The following TM9SF4 variants were observed in gnomAD, a reference collection of about 807,000 sequenced individuals.
TM9SF4 encodes transmembrane 9 superfamily member 4, also known as dinucleotide oxidase disulfide thiol exchanger 3 superfamily member 4.
Under a neutral mutation model 90.4 loss-of-function variants are expected in TM9SF4, and 26 were observed. That is an observed-to-expected ratio of 0.29 (90% CI 0.21 to 0.40). The LOEUF (loss-of-function observed/expected upper bound fraction) is 0.40. TM9SF4 is among the 10% of genes least tolerant of loss of function. The pLI is 1.00. For missense variants in TM9SF4, 549 were observed against 834.8 expected, an observed-to-expected ratio of 0.66 and a Z score of 4.22; for synonymous variants, 293 against 315.4, an observed-to-expected ratio of 0.93 and a Z score of 0.75.
At chr20:32,155,080 C>T (rs180945223) in intron 12 of TM9SF4, 23 bp from the exon 13 acceptor site, 528 of 1,611,456 alleles carry the variant, frequency 3.3e-4, no homozygotes, top group Non-Finnish European at 4.4e-4. Flanking sequence ...TGCTGCTCCT[C>T]AACCCGGCCC....
chr20:32,124,731 C>T (rs932376866), intron 1 of TM9SF4, among the ~76,000 whole-genome samples: 4 of 152,040 alleles, frequency 2.6e-5, no homozygotes, highest in South Asian at 2.1e-4. Flanking sequence ...GGATTACAGG[C>T]GTGTGCCACC....
chr20:32,133,547 C>T (rs2235902), intron 2 of TM9SF4, among the ~76,000 whole-genome samples: 64,247 of 151,934 alleles, frequency 0.42, 13,937 homozygotes, highest in East Asian at 0.74. Context: ...ATTGTTCATA[C>T]ATTGTGAACG....
intron 15 of TM9SF4, 103 bp from the exon 16 acceptor site, chr20:32,159,889 T>C: frequency 6.6e-7 from 1 of 1,512,130 alleles, no homozygotes; most frequent in Non-Finnish European, 9.1e-7. Flanking sequence ...GCCCTGATGG[T>C]GTCATGATGA....
chr20:32,162,795 C>G (rs988862332), intron 17 of TM9SF4, among the ~76,000 whole-genome samples: 3 of 152,076 alleles, frequency 2.0e-5, no homozygotes, highest in Admixed American at 6.6e-5. Context: ...TCTCCCTCCT[C>G]TATAGCCCAT....
chr20:32,110,187 C>G, intron 1 of TM9SF4: 1 of 481,552 alleles, frequency 2.1e-6, no homozygotes, highest in Non-Finnish European at 2.9e-6. Flanking sequence ...GATGTGACCT[C>G]TCCTCTGACC....
intron 1 of TM9SF4, among the ~76,000 whole-genome samples, chr20:32,125,543 A>G (rs2046406317): frequency 6.6e-6 from 1 of 152,086 alleles, no homozygotes; most frequent in Non-Finnish European, 1.5e-5. Flanking sequence ...CCCCAGACCC[A>G]GGTGTTTTAG....
rs1425691295 is a variant in TM9SF4, at chr20:32,157,858, A to G, written c.1394A>G (p.Tyr465Cys). 25 of 1,613,896 alleles carry G rather than the reference A, an allele frequency of 1.5e-5. No individual in the cohort carries two copies. The East Asian group carries it at 1.6e-4, about 10-fold the overall frequency. Residue 465 changes from tyrosine to cysteine, a missense_variant, in exon 14 of 18, where the codon TAC becomes TGC. By Grantham distance (194) the Tyr-to-Cys change is radical (BLOSUM62 -2). Coordinates refer to ENST00000398022, the MANE Select transcript of TM9SF4 (RefSeq NM_014742.4). Reference protein sequence around the residue: ...MWFGISLPLVYLGYYFGFRKQ... With the variant: ...MWFGISLPLVCLGYYFGFRKQ... ...TTCGGGATCTCCCTGCCCCTCGTCT[A>G]CTTGGGCTACTACTTCGGCTTCCGA...
At chr20:32,159,639 CAT>C (rs1478929529) in intron 15 of TM9SF4, 4 of 228,874 alleles carry the variant, frequency 1.7e-5, no homozygotes, top group Non-Finnish European at 3.4e-5. Context: ...TAGACACACA[CAT>C]GTAGCAATTG....
At chr20:32,118,126 A>T (rs1440818646) in intron 1 of TM9SF4, among the ~76,000 whole-genome samples, 5 of 152,198 alleles carry the variant, frequency 3.3e-5, no homozygotes, top group Admixed American at 2.6e-4. Flanking sequence ...AAGTTGGAAC[A>T]GTGTCCAGGG....
At chr20:32,154,185 T>C (rs569555651) in intron 12 of TM9SF4, among the ~76,000 whole-genome samples, 1 of 152,264 alleles carries the variant, frequency 6.6e-6, no homozygotes, top group South Asian at 2.1e-4. Context: ...AGTCTTGCTC[T>C]ATTACCCAGG....
At chr20:32,143,489 C>T (rs2046711706) in intron 6 of TM9SF4, among the ~76,000 whole-genome samples, 2 of 152,194 alleles carry the variant, frequency 1.3e-5, no homozygotes, top group Non-Finnish European at 2.9e-5. Flanking sequence ...GGCCAGGGTA[C>T]AGACAAAGCC....
At chr20:32,141,428 C>T (rs574286183) in intron 3 of TM9SF4, 69 bp from the exon 4 acceptor site, 2 of 1,579,566 alleles carry the variant, frequency 1.3e-6, no homozygotes, top group East Asian at 2.2e-5. Context: ...TCCTGTGTCT[C>T]TGTGACTCTG....
intron 9 of TM9SF4, 93 bp downstream of exon 9, chr20:32,146,948 A>C (rs993449506): frequency 2.5e-5 from 30 of 1,221,318 alleles, no homozygotes; most frequent in Non-Finnish European, 3.5e-5. Context: ...TCATTCAAAG[A>C]GGAAACCTCA....
At chr20:32,134,521 G>A (rs1489720601) in intron 2 of TM9SF4, among the ~76,000 whole-genome samples, 2 of 152,098 alleles carry the variant, frequency 1.3e-5, no homozygotes, top group Non-Finnish European at 2.9e-5. Flanking sequence ...TGAACATGAA[G>A]CTGTTTATTG....
chr20:32,146,843 G>A lies in TM9SF4; in HGVS notation c.942G>A (p.Lys314=). Residue 314 remains lysine, a synonymous_variant, in exon 9 of 18, where the codon AAG becomes AAA. Coordinates refer to ENST00000398022, the MANE Select transcript of TM9SF4 (RefSeq NM_014742.4). ...GGAAGGACATTGCCAACTACAACAA[G>A]GAGGATGACATTGTACGAGGTCTTG... ...TLRKDIANYN[K]EDDIEDTMEE... 1 of 1,613,992 alleles carries A rather than the reference G, an allele frequency of 6.2e-7. No homozygotes were observed. Among genetic ancestry groups the A allele is most frequent in the African/African-American group, 1.3e-5 (1 of 75,058 alleles).
At chr20:32,141,704 CAG>C (rs767712299) in intron 4 of TM9SF4, 39 bp downstream of exon 4, 4 of 1,613,238 alleles carry the variant, frequency 2.5e-6, no homozygotes, top group Admixed American at 3.3e-5. Context: ...CAGGCTCACA[CAG>C]GGGAGGACAC....
rs748923451 is a variant in TM9SF4 at position 32,139,991 on chromosome 20, A to G, written c.230-1506A>G. Among the ~76,000 whole-genome samples, 5 of 152,260 alleles carry G rather than the reference A, an allele frequency of 3.3e-5. No individual in the cohort carries two copies. In the East Asian group the frequency reaches 9.6e-4, roughly 29 times the overall value. On this transcript the variant is annotated intron_variant, in intron 3 of 17. Coordinates refer to ENST00000398022, the MANE Select transcript of TM9SF4 (RefSeq NM_014742.4). The stretch of plus-strand genomic sequence containing the variant: ...ATTCTCATTTTGCTGATTATTCAGC[A>G]AAGTCTATCTTCCTGCTAGGCCATG...
intron 1 of TM9SF4, among the ~76,000 whole-genome samples, chr20:32,124,070 T>C (rs2046383391): frequency 6.6e-6 from 1 of 151,912 alleles, no homozygotes; most frequent in African/African-American, 2.4e-5. Context: ...CACTATTTTG[T>C]CCAGGCTGTT....
At chr20:32,120,813 T>C (rs954110759) in intron 1 of TM9SF4, among the ~76,000 whole-genome samples, 1 of 152,072 alleles carries the variant, frequency 6.6e-6, no homozygotes, top group Non-Finnish European at 1.5e-5. Flanking sequence ...TAAGTTCCCT[T>C]CTAGTCCTAA....
Sources: gnomAD v4.1 joint callset for allele counts (sites outside exome capture counted in the v4.1 genomes callset) on GRCh38, gnomAD v4.1.1 for gene constraint, MANE v1.5 for transcripts, NCBI Gene and HGNC (gene_info 2026-07-23, HGNC 2026-07-21) for gene names.